Variants in DR1 observed in about 807,000 individuals in gnomAD.
The protein encoded by DR1 is down-regulator of transcription 1.
Under a neutral mutation model 19.9 loss-of-function variants are expected in DR1, and 7 were observed. That is an observed-to-expected ratio of 0.35 (90% CI 0.20 to 0.66). DR1 has a LOEUF of 0.66. DR1 is among the 30% of genes least tolerant of loss of function. The pLI, the probability that DR1 is intolerant of heterozygous loss-of-function variation, is 0.66. For missense variants in DR1, 98 were observed against 203.7 expected (o/e 0.48, Z 3.16); for synonymous variants, 76 against 72.5 (o/e 1.05, Z -0.24).
At position 93,362,866 on chromosome 1, in the gene DR1, G is replaced by A. The variant is rs1484358360; in HGVS notation, c.*2227G>A. The A allele has an allele frequency of 3.5e-5, 2 of 56,672 alleles. No homozygotes were observed. The highest frequency in any genetic ancestry group is 6.8e-5 in the Non-Finnish European group (2 of 29,330). The allele number at this position is 56,672 out of a possible 1,614,324, so 3.5% of individuals were successfully genotyped here. On this transcript the variant is annotated 3_prime_UTR_variant, in exon 3 of 3. Coordinates refer to ENST00000370272, the MANE Select transcript of DR1 (RefSeq NM_001938.3). ...TTTTTTTTTTTTTTAGCATTTAAGA[G>A]TCACTATTATGTTTTGCCAGTTAAA... is the stretch of plus-strand genomic sequence containing the variant.
At position 93,368,148 on chromosome 1, in the gene DR1, TTGA is replaced by T. The variant is rs1431506672; in HGVS notation, c.*7511_*7513del. The T allele has an allele frequency of 6.6e-6, 1 of 152,234 alleles. No homozygotes were observed. 9.4% of individuals were successfully genotyped at this position (152,234 alleles called of 1,614,324 possible). A position where few individuals can be genotyped will look rare whatever the true frequency, so the allele number is the denominator to read the frequency against. ...TTTATTTCCTCTGTGAGGGTAAGTA[TTGA>T]TAGTCCAGTCATAGACTGGTAACAC... On this transcript the variant is annotated 3_prime_UTR_variant, in exon 3 of 3. Coordinates refer to ENST00000370272, the MANE Select transcript of DR1 (RefSeq NM_001938.3).
chr1:93,349,261 A>T (rs1003366857), intron 1 of DR1, among the ~76,000 whole-genome samples: 19 of 152,034 alleles, frequency 1.2e-4, no homozygotes, highest in African/African-American at 4.1e-4. Flanking sequence ...TAACTTATTT[A>T]AAAAAATTTT....
At chr1:93,356,628 AC>A (rs1377638185) in intron 2 of DR1, among the ~76,000 whole-genome samples, 3 of 152,028 alleles carry the variant, frequency 2.0e-5, no homozygotes, top group Non-Finnish European at 4.4e-5. Flanking sequence ...AATTATACCA[AC>A]TTGTAGTTGA....
Position 93,360,477 on chromosome 1 carries a change from T to C in DR1, c.385-16T>C, listed in dbSNP as rs749580808. ...TGTAAAAAATTGTTATTTTTTTTTATGTTTTGGGTGTTTAGGCTAGACAGC... is the reference window on the plus strand; with the variant it reads ...TGTAAAAAATTGTTATTTTTTTTTACGTTTTGGGTGTTTAGGCTAGACAGC... On this transcript the variant is annotated splice_polypyrimidine_tract_variant and intron_variant, in intron 2 of 2. Coordinates refer to ENST00000370272, the MANE Select transcript of DR1 (RefSeq NM_001938.3). 17 of 1,544,640 alleles carry C rather than the reference T, an allele frequency of 1.1e-5. No homozygotes were observed. Among genetic ancestry groups the C allele is most frequent in the South Asian group, 9.8e-5 (8 of 81,338 alleles).
chr1:93,347,362 G>A (rs891449911), intron 1 of DR1, among the ~76,000 whole-genome samples: 4 of 152,160 alleles, frequency 2.6e-5, no homozygotes, highest in African/African-American at 9.7e-5. Flanking sequence ...TGTGTTCAAC[G>A]TTGTCAAGTT....
In DR1 at chr1:93,346,512, A is replaced by G. The variant is rs1019856899; in HGVS notation, c.-134A>G. ...CCTCAAGCCAGCTGCTCCTCCGTTCATTTTCTGCACCCTCTTCGCAAAGCA... is the reference window on the plus strand; with the variant it reads ...CCTCAAGCCAGCTGCTCCTCCGTTCGTTTTCTGCACCCTCTTCGCAAAGCA... On this transcript the variant is annotated 5_prime_UTR_variant, in exon 1 of 3. Transcript: ENST00000370272. 4.5e-6 allele frequency: 3 copies of G among 671,510 alleles called. No individual in the cohort carries two copies. The highest frequency in any genetic ancestry group is 2.7e-5 in the Admixed American group (1 of 36,998). 41.6% of individuals were successfully genotyped at this position (671,510 alleles called of 1,614,324 possible).
At chr1:93,358,213 A>C (rs1667012786) in intron 2 of DR1, among the ~76,000 whole-genome samples, 1 of 152,290 alleles carries the variant, frequency 6.6e-6, no homozygotes, top group South Asian at 2.1e-4. Context: ...CTAGTAAGCA[A>C]TTATCTTAGC....
At chr1:93,351,827 A>G (rs1352582423) in intron 1 of DR1, among the ~76,000 whole-genome samples, 1 of 152,166 alleles carries the variant, frequency 6.6e-6, no homozygotes, top group African/African-American at 2.4e-5. Context: ...TATAAATTTG[A>G]TATTTTATAA....
At chr1:93,359,672 CCTT>C (rs1403465770) in intron 2 of DR1, among the ~76,000 whole-genome samples, 1 of 151,780 alleles carries the variant, frequency 6.6e-6, no homozygotes, top group East Asian at 1.9e-4. Flanking sequence ...TCATTTTTTC[CCTT>C]CTTGGTGTGG....
chr1:93,357,721 G>A (rs1667006261), intron 2 of DR1, among the ~76,000 whole-genome samples: 1 of 151,770 alleles, frequency 6.6e-6, no homozygotes, highest in Non-Finnish European at 1.5e-5. Context: ...ATTAGTCTCT[G>A]ATACTATGGT....
In DR1 at chr1:93,365,003, G is replaced by C. The variant is rs1164937818; in HGVS notation, c.*4364G>C. On this transcript the variant is annotated 3_prime_UTR_variant, in exon 3 of 3. Transcript: ENST00000370272. ...TGAGTAGCTGGGACTACAGGTGCCC[G>C]CTAGCACGCCCAGCTAATTTTTTTT... 1.3e-5 allele frequency: 2 copies of C among 151,900 alleles called. No individual in the cohort carries two copies. The highest frequency in any genetic ancestry group is 2.9e-5 in the Non-Finnish European group (2 of 68,182). 9.4% of individuals were successfully genotyped at this position (151,900 alleles called of 1,614,324 possible).
chr1:93,347,917 A>G (rs1399076025), intron 1 of DR1, among the ~76,000 whole-genome samples: 7 of 152,130 alleles, frequency 4.6e-5, no homozygotes, highest in Non-Finnish European at 1.5e-5. Flanking sequence ...GAAATCAGGG[A>G]AAAATGATTA....
intron 1 of DR1, among the ~76,000 whole-genome samples, chr1:93,347,694 C>G: frequency 6.6e-6 from 1 of 151,944 alleles, no homozygotes; most frequent in East Asian, 1.9e-4. Context: ...TCAACAGTTT[C>G]TTTTATCCTG....
At position 93,360,636 on chromosome 1, in the gene DR1, C is replaced by T; in HGVS notation, c.528C>T (p.Ile176=). The change falls in exon 3 of 3, where the codon ATC becomes ATT. Residue 176 remains isoleucine (I), a synonymous_variant. Coordinates refer to ENST00000370272, the MANE Select transcript of DR1 (RefSeq NM_001938.3). ...AGGATGAAGAAGATGATGATGATATCTGAAATTCACCAGCTGAGTTTCTAT... is the reference window on the plus strand; with the variant it reads ...AGGATGAAGAAGATGATGATGATATTTGAAATTCACCAGCTGAGTTTCTAT... ...SSQDEEDDDD[I] The T allele has an allele frequency of 1.3e-6, 2 of 1,582,288 alleles. No individual in the cohort carries two copies. The highest frequency in any genetic ancestry group is 2.4e-5 in the South Asian group (2 of 84,674).
intron 1 of DR1, 65 bp from the exon 2 acceptor site, chr1:93,353,843 T>C: frequency 7.3e-7 from 1 of 1,371,920 alleles, no homozygotes; most frequent in Non-Finnish European, 9.8e-7. Context: ...AAACTTTAGG[T>C]CTACGGGTTG....
rs918613536 is a variant in DR1 at position 93,362,629 on chromosome 1, A to G, written c.*1990A>G. 5 of 151,966 alleles carry G rather than the reference A, an allele frequency of 3.3e-5. No individual in the cohort carries two copies. In the East Asian group the frequency reaches 5.8e-4, roughly 18 times the overall value. 9.4% of individuals were successfully genotyped at this position (151,966 alleles called of 1,614,324 possible). On this transcript the variant is annotated 3_prime_UTR_variant, in exon 3 of 3. Transcript: ENST00000370272. ...TTTAATGTTCTATAGAGAGATTTCT[A>G]TTATTACCATTTTTACTATTTTCAA...
chr1:93,360,387 T>C, intron 2 of DR1, 106 bp from the exon 3 acceptor site: 1 of 1,027,842 alleles, frequency 9.7e-7, no homozygotes, highest in Non-Finnish European at 1.4e-6. Flanking sequence ...AGTATCCAAG[T>C]ATGATAATAA....
At chr1:93,357,518 A>AAAATAAATAAATAAAT (rs3067471) in intron 2 of DR1, among the ~76,000 whole-genome samples, 2,124 of 149,202 alleles carry the variant, frequency 0.014, 26 homozygotes, top group Non-Finnish European at 0.023. Context: ...CCCCATCTCT[A>AAAATAAATAAATAAAT]AAATAAATAA....
chr1:93,360,743 C>T lies in DR1; in HGVS notation c.*104C>T, dbSNP rs1000494221. 4 of 1,287,922 alleles carry T rather than the reference C, an allele frequency of 3.1e-6. No homozygotes were observed. The African/African-American group carries it at 4.6e-5, about 15-fold the overall frequency. 79.8% of individuals were successfully genotyped at this position (1,287,922 alleles called of 1,614,324 possible). A position where few individuals can be genotyped will look rare whatever the true frequency, so the allele number is the denominator to read the frequency against. ...GTAATTTTGTATGCATCTTGGTGGACTTGTCATTGGTATTCTAGGGATGTC... is the reference window on the plus strand; with the variant it reads ...GTAATTTTGTATGCATCTTGGTGGATTTGTCATTGGTATTCTAGGGATGTC... On this transcript the variant is annotated 3_prime_UTR_variant, in exon 3 of 3. Transcript: ENST00000370272.
Sources: gnomAD v4.1 joint callset for allele counts (sites outside exome capture counted in the v4.1 genomes callset) on GRCh38, gnomAD v4.1.1 for gene constraint, MANE v1.5 for transcripts, NCBI Gene and HGNC (gene_info 2026-07-23, HGNC 2026-07-21) for gene names.